SIDT1: variants seen among roughly 807,000 people sequenced by gnomAD.
SIDT1 encodes SID1 transmembrane family, member 1.
SIDT1 carries 101 observed loss-of-function variants against 107.5 expected under a neutral mutation model. That is an observed-to-expected ratio of 0.94 (90% CI 0.80 to 1.11). The LOEUF (loss-of-function observed/expected upper bound fraction) is 1.11, where lower values mean the gene tolerates loss of function less well. Among genes scored for constraint, SIDT1 ranks in the 50% least tolerant of loss-of-function variants. The pLI is 0.00. For synonymous variants in SIDT1, 395 were observed against 398.2 expected (o/e 0.99, Z 0.10); for missense variants, 1,076 against 1,058.2 (o/e 1.02, Z -0.23).
intron 20 of SIDT1, among the ~76,000 whole-genome samples, chr3:113,618,431 G>A (rs144575304): frequency 2.0e-5 from 3 of 152,274 alleles, no homozygotes; most frequent in Admixed American, 6.5e-5. Flanking sequence ...AACTCCTTTT[G>A]TTAAATATCA....
chr3:113,564,368 C>T (rs949450808), intron 1 of SIDT1, among the ~76,000 whole-genome samples: 2 of 152,218 alleles, frequency 1.3e-5, no homozygotes, highest in African/African-American at 2.4e-5. Context: ...TTATATTATT[C>T]TTGTTACTTT....
intron 15 of SIDT1, 69 bp downstream of exon 15, chr3:113,607,183 G>A (rs566686307): frequency 1.2e-6 from 1 of 830,292 alleles, no homozygotes; most frequent in Non-Finnish European, 1.9e-6. Context: ...TGTGATTTCG[G>A]TTTTTAAAAA....
At chr3:113,627,536 A>G in intron 24 of SIDT1, 110 bp from the exon 25 acceptor site, 1 of 952,602 alleles carries the variant, frequency 1.0e-6, no homozygotes, top group African/African-American at 1.6e-5. Context: ...AAGGCATGAG[A>G]ATGAGAGGGA....
rs79156852 is a variant in SIDT1, at chr3:113,619,953, A to G, written c.2090+227A>G. ...TCATTTGTTCAACAAGACAAACATC[A>G]AAACTTGTTAAGTCTATGTGGATAC... On this transcript the variant is annotated intron_variant, in intron 21 of 24. Coordinates refer to ENST00000264852, the MANE Select transcript of SIDT1 (RefSeq NM_017699.3). 394 of 458,968 alleles carry G rather than the reference A, an allele frequency of 8.6e-4. 4 individuals carry two copies. In the East Asian group the frequency reaches 0.014, roughly 16 times the overall value. The allele number at this position is 458,968 out of a possible 1,614,324, so 28.4% of individuals were successfully genotyped here.
chr3:113,609,728 AT>A (rs1945606637), intron 17 of SIDT1, among the ~76,000 whole-genome samples: 1 of 152,174 alleles, frequency 6.6e-6, no homozygotes, highest in Non-Finnish European at 1.5e-5. Flanking sequence ...GTCGCATTTA[AT>A]TTTTTTAATT....
At chr3:113,574,179 G>T (rs911269274) in intron 3 of SIDT1, among the ~76,000 whole-genome samples, 7 of 152,184 alleles carry the variant, frequency 4.6e-5, no homozygotes, top group African/African-American at 1.4e-4. Flanking sequence ...AGGAGAGTTG[G>T]ATATTTGTAG....
At chr3:113,561,860 T>C (rs781669888) in intron 1 of SIDT1, among the ~76,000 whole-genome samples, 1 of 152,138 alleles carries the variant, frequency 6.6e-6, no homozygotes, top group Non-Finnish European at 1.5e-5. Context: ...TGACATTAAG[T>C]ACTTAAGAAG....
intron 2 of SIDT1, 122 bp downstream of exon 2, chr3:113,566,663 C>A: frequency 1.8e-6 from 2 of 1,089,094 alleles, no homozygotes; most frequent in Non-Finnish European, 2.7e-6. Flanking sequence ...AGACATTCTG[C>A]ATACGGGGTG....
At position 113,626,206 on chromosome 3, in the gene SIDT1, C is replaced by T. The variant is rs1259156822; in HGVS notation, c.2412C>T (p.Phe804=). The T allele has an allele frequency of 2.5e-6, 4 of 1,610,846 alleles. No homozygotes were observed. Among genetic ancestry groups the T allele is most frequent in the Admixed American group, 3.3e-5 (2 of 60,004 alleles). The stretch of plus-strand genomic sequence containing the variant: ...TCCTCTCTGCTACTGCTCTGTTTTT[C>T]TCATTCTTGGTGAGTTCATATCTAT... The part of the protein sequence containing the change: ...WHFLSATALF[F]SFLVLLTLDD... The change falls in exon 24 of 25, where the codon TTC becomes TTT. Residue 804 remains phenylalanine (F), a synonymous_variant. Coordinates refer to ENST00000264852, the MANE Select transcript of SIDT1 (RefSeq NM_017699.3).
intron 21 of SIDT1, among the ~76,000 whole-genome samples, chr3:113,621,515 AC>A (rs1324884606): frequency 6.6e-6 from 1 of 152,196 alleles, no homozygotes; most frequent in African/African-American, 2.4e-5. Flanking sequence ...ATAGTACTTT[AC>A]ACTTTAAATA....
chr3:113,615,161 C>A, intron 19 of SIDT1: 1 of 1,419,740 alleles, frequency 7.0e-7, no homozygotes, highest in South Asian at 1.2e-5. Flanking sequence ...GCCCTGCTCC[C>A]TGAACAGCCT....
At chr3:113,581,225 A>G (rs1255356159) in intron 5 of SIDT1, 136 bp from the exon 6 acceptor site, 4 of 694,384 alleles carry the variant, frequency 5.8e-6, no homozygotes, top group Non-Finnish European at 7.6e-6. Flanking sequence ...TCAAGGGGGG[A>G]AATTGCCTAG....
chr3:113,549,030 A>G (rs182719775), intron 1 of SIDT1, among the ~76,000 whole-genome samples: 60 of 152,300 alleles, frequency 3.9e-4, no homozygotes, highest in Non-Finnish European at 7.4e-4. Context: ...TGCTTCTTCT[A>G]CATAGCAAAA....
At chr3:113,579,736 TAG>T (rs1236820063) in intron 4 of SIDT1, among the ~76,000 whole-genome samples, 1 of 152,234 alleles carries the variant, frequency 6.6e-6, no homozygotes, top group Non-Finnish European at 1.5e-5. Context: ...ATAGATTTAT[TAG>T]AGTCTTCACT....
chr3:113,572,868 T>C (rs898311258), intron 3 of SIDT1, among the ~76,000 whole-genome samples: 1 of 152,216 alleles, frequency 6.6e-6, no homozygotes, highest in Non-Finnish European at 1.5e-5. Flanking sequence ...TCAGCTACTA[T>C]GCTGTGAAAA....
chr3:113,636,317 C>T, the SIDT1 span, among the ~76,000 whole-genome samples: 1 of 152,114 alleles, frequency 6.6e-6, no homozygotes, highest in South Asian at 2.1e-4. Context: ...GCAGGAGAAT[C>T]GCTTGAACCC....
chr3:113,634,087 C>T (rs1173016517), downstream of SIDT1, among the ~76,000 whole-genome samples: 1 of 151,974 alleles, frequency 6.6e-6, no homozygotes, highest in East Asian at 1.9e-4. Context: ...AAATGAAAGT[C>T]CCAGTTTTAA....
chr3:113,605,369 G>A (rs557155149), intron 14 of SIDT1, among the ~76,000 whole-genome samples: 6 of 151,910 alleles, frequency 3.9e-5, no homozygotes, highest in Admixed American at 1.3e-4. Flanking sequence ...CAGGTGATCC[G>A]CCTGCTTCAG....
chr3:113,585,252 G>T lies in SIDT1; in HGVS notation c.983G>T (p.Gly328Val), dbSNP rs995633632. ...TTCTACTTGGGATGCCTTCTTGTTG[G>T]GTTTGTTCATTATCTGAGGTAGGTC... ...LSFYLGCLLV[G>V]FVHYLRFQRK... The change falls in exon 9 of 25, where the codon GGG (glycine) becomes GTG (valine). Residue 328 changes from glycine (G) to valine (V), a missense_variant. Gly to Val is a moderately radical substitution (Grantham distance 109). Coordinates refer to ENST00000264852, the MANE Select transcript of SIDT1 (RefSeq NM_017699.3). 6.2e-7 allele frequency: 1 copy of T among 1,612,210 alleles called. No homozygotes were observed. Among genetic ancestry groups the T allele is most frequent in the Non-Finnish European group, 8.5e-7 (1 of 1,178,742 alleles).
Sources: gnomAD v4.1 joint callset for allele counts (sites outside exome capture counted in the v4.1 genomes callset) on GRCh38, gnomAD v4.1.1 for gene constraint, MANE v1.5 for transcripts, NCBI Gene and HGNC (gene_info 2026-07-23, HGNC 2026-07-21) for gene names.